IQCM: variants seen among roughly 807,000 people sequenced by gnomAD.
IQCM encodes IQ motif containing M.
Under a neutral mutation model 57.6 loss-of-function variants are expected in IQCM, and 45 were observed. The observed-to-expected ratio is 0.78, with a 90% CI of 0.62 to 1.00. The LOEUF (loss-of-function observed/expected upper bound fraction) is 1.00. Among genes scored for constraint, IQCM ranks in the 50% least tolerant of loss-of-function variants. The pLI, the probability that IQCM is intolerant of heterozygous loss-of-function variation, is 0.00. For missense variants in IQCM, 468 were observed against 511.6 expected (o/e 0.91, Z 0.82); for synonymous variants, 148 against 158.9 (o/e 0.93, Z 0.51).
At chr4:149,647,357 A>C (rs1758738463) in intron 7 of IQCM, among the ~76,000 whole-genome samples, 1 of 151,924 alleles carries the variant, frequency 6.6e-6, no homozygotes, top group African/African-American at 2.4e-5. Flanking sequence ...TTTTTATTCT[A>C]AAGTACAGTT....
chr4:149,699,373 G>A (rs1190095606), intron 5 of IQCM, among the ~76,000 whole-genome samples: 1 of 151,938 alleles, frequency 6.6e-6, no homozygotes, highest in Non-Finnish European at 1.5e-5. Flanking sequence ...TAAATACCAT[G>A]GTCAGAAGCT....
Position 149,440,060 on chromosome 4 carries a change from G to A in IQCM, c.1229-6503C>T, listed in dbSNP as rs1450909176. On this transcript the variant is annotated intron_variant, in intron 12 of 13. Coordinates refer to ENST00000636793, the MANE Select transcript of IQCM (RefSeq NM_001363507.2). Reference sequence around the variant, plus strand: ...CAACCTCTGCTTCCTGGGTTCTAGCGATTCTCCTGCATCAGCCTCCCGAGT... The same window carrying A: ...CAACCTCTGCTTCCTGGGTTCTAGCAATTCTCCTGCATCAGCCTCCCGAGT... 2.7e-5 allele frequency among the ~76,000 whole-genome samples: 4 copies of A among 147,392 alleles called. No homozygotes were observed. The East Asian group carries it at 6.0e-4, about 22-fold the overall frequency.
chr4:149,765,064 T>C (rs1440328048), intron 2 of IQCM, among the ~76,000 whole-genome samples: 1 of 152,068 alleles, frequency 6.6e-6, no homozygotes, highest in African/African-American at 2.4e-5. Context: ...ATCAAACCAG[T>C]TCAAAATCAC....
intron 13 of IQCM, among the ~76,000 whole-genome samples, chr4:149,382,526 T>C (rs1046746243): frequency 1.3e-5 from 2 of 152,134 alleles, no homozygotes; most frequent in African/African-American, 4.8e-5. Context: ...TGGCATATTA[T>C]AATTCTAATT....
chr4:149,563,712 A>C lies in IQCM; in HGVS notation c.928T>G (p.Leu310Val). The change falls in exon 10 of 14, where the codon TTG becomes GTG. Residue 310 changes from leucine (L) to valine (V), a missense_variant. Physicochemically the swap from Leu to Val is conservative, Grantham distance 32 (BLOSUM62 1). Transcript: ENST00000636793. Reference protein sequence around the residue: ...HVRGWLERKRLQRVMTKALDH... With the variant: ...HVRGWLERKRVQRVMTKALDH... ...CTTACCTTGGTCATTACTCTTTGCA[A>C]TCTTTTCCGTTCAAGCCATCCCCTG... The C allele has an allele frequency of 8.1e-7, 1 of 1,232,050 alleles. No homozygotes were observed. The highest frequency in any genetic ancestry group is 1.0e-6 in the Non-Finnish European group (1 of 987,904). 76.3% of individuals were successfully genotyped at this position (1,232,050 alleles called of 1,614,324 possible).
intron 12 of IQCM, among the ~76,000 whole-genome samples, chr4:149,476,978 G>T (rs1422661886): frequency 1.3e-5 from 2 of 152,104 alleles, no homozygotes; most frequent in Non-Finnish European, 2.9e-5. Context: ...ATACAGGAAA[G>T]ACTGAAATCT....
intron 13 of IQCM, among the ~76,000 whole-genome samples, chr4:149,366,874 C>T (rs945747631): frequency 4.0e-5 from 6 of 151,884 alleles, no homozygotes; most frequent in African/African-American, 1.4e-4. Flanking sequence ...GGGAAAAATA[C>T]AGAAAGTTCA....
intron 7 of IQCM, among the ~76,000 whole-genome samples, chr4:149,660,689 G>A (rs2150153491): frequency 6.6e-6 from 1 of 152,154 alleles, no homozygotes; most frequent in East Asian, 1.9e-4. Context: ...GTAGGGACAT[G>A]GATGAAATTG....
intron 2 of IQCM, among the ~76,000 whole-genome samples, chr4:149,763,453 A>T (rs1194326358): frequency 6.6e-6 from 1 of 152,100 alleles, no homozygotes. Context: ...TTAGAAAAGC[A>T]CAATGAGTGG....
At chr4:149,698,708 T>C (rs1263998572) in intron 5 of IQCM, among the ~76,000 whole-genome samples, 2 of 152,122 alleles carry the variant, frequency 1.3e-5, no homozygotes, top group East Asian at 3.9e-4. Flanking sequence ...TAACCTTATA[T>C]ATTTCAGGAA....
At chr4:149,430,174 T>G in intron 13 of IQCM, 2 of 407,760 alleles carry the variant, frequency 4.9e-6, no homozygotes, top group South Asian at 2.7e-4. Flanking sequence ...AGCACTTAAA[T>G]ATGCCTTTGT....
chr4:149,436,612 G>A (rs1579051348), intron 12 of IQCM, among the ~76,000 whole-genome samples: 2 of 152,132 alleles, frequency 1.3e-5, no homozygotes, highest in Non-Finnish European at 2.9e-5. Flanking sequence ...CATATAGCTG[G>A]TAAAACTCTC....
At chr4:149,653,575 C>G (rs928335449) in intron 7 of IQCM, among the ~76,000 whole-genome samples, 4 of 151,946 alleles carry the variant, frequency 2.6e-5, no homozygotes, top group Non-Finnish European at 4.4e-5. Flanking sequence ...ACAGATCATG[C>G]CCCTATTTTC....
intron 12 of IQCM, among the ~76,000 whole-genome samples, chr4:149,513,961 G>T (rs1744684430): frequency 6.6e-6 from 1 of 152,080 alleles, no homozygotes; most frequent in East Asian, 1.9e-4. Flanking sequence ...AAAAGATTCA[G>T]CAGAGTATAA....
intron 8 of IQCM, among the ~76,000 whole-genome samples, chr4:149,617,904 T>C (rs1755943925): frequency 1.3e-5 from 2 of 152,096 alleles, no homozygotes; most frequent in African/African-American, 4.8e-5. Flanking sequence ...ATTGGAAGGA[T>C]AAAAATAATT....
intron 12 of IQCM, among the ~76,000 whole-genome samples, chr4:149,505,662 A>G (rs2149799295): frequency 6.6e-6 from 1 of 152,284 alleles, no homozygotes; most frequent in East Asian, 1.9e-4. Context: ...ATGTCTATAT[A>G]ATCACACCAT....
At chr4:149,733,881 A>G (rs1411529249) in intron 4 of IQCM, among the ~76,000 whole-genome samples, 8 of 152,150 alleles carry the variant, frequency 5.3e-5, no homozygotes, top group Non-Finnish European at 1.2e-4. Flanking sequence ...ATTTTCAACC[A>G]TCTTTGAAGA....
At chr4:149,780,425 C>T (rs1193269352) in intron 2 of IQCM, 2 of 151,996 alleles carry the variant, frequency 1.3e-5, no homozygotes, top group African/African-American at 2.4e-5. Flanking sequence ...CCAAAAGTGA[C>T]TACCAACCAA....
chr4:149,808,418 A>G (rs1774271390), intron 2 of IQCM, among the ~76,000 whole-genome samples: 1 of 152,170 alleles, frequency 6.6e-6, no homozygotes, highest in African/African-American at 2.4e-5. Context: ...AGGGATGAAG[A>G]AAAGTTGGCT....
Sources: gnomAD v4.1 joint callset for allele counts (sites outside exome capture counted in the v4.1 genomes callset) on GRCh38, gnomAD v4.1.1 for gene constraint, MANE v1.5 for transcripts, NCBI Gene and HGNC (gene_info 2026-07-23, HGNC 2026-07-21) for gene names.